SGCZ: variants seen among roughly 807,000 people sequenced by gnomAD.
SGCZ encodes zeta-sarcoglycan.
SGCZ carries 40 observed loss-of-function variants against 41.3 expected under a neutral mutation model. The ratio of observed to expected loss-of-function variants is 0.97; its 90% CI spans 0.75 to 1.26. The LOEUF (loss-of-function observed/expected upper bound fraction) is 1.26. Ranked by LOEUF, SGCZ falls within the 50% of genes most tolerant of loss-of-function variation. The pLI, the probability that SGCZ is intolerant of heterozygous loss-of-function variation, is 0.00. For synonymous variants in SGCZ, 206 were observed against 137.5 expected (o/e 1.50, Z -3.49); for missense variants, 552 against 369.8 (o/e 1.49, Z -4.04).
intron 1 of SGCZ, among the ~76,000 whole-genome samples, chr8:14,743,053 A>G (rs377559779): frequency 6.9e-4 from 105 of 152,230 alleles, no homozygotes; most frequent in African/African-American, 2.5e-3. Context: ...CTCAAATATC[A>G]TAAAAGACTG....
chr8:14,524,599 G>A (rs1006991949), intron 2 of SGCZ, among the ~76,000 whole-genome samples: 1 of 152,064 alleles, frequency 6.6e-6, no homozygotes, highest in Non-Finnish European at 1.5e-5. Flanking sequence ...TTATAACAAT[G>A]ATACCTTTGA....
chr8:15,079,766 G>A (rs535132088), intron 1 of SGCZ, among the ~76,000 whole-genome samples: 15 of 152,222 alleles, frequency 9.9e-5, no homozygotes, highest in African/African-American at 3.6e-4. Context: ...GAGTCCATGT[G>A]CAGGCTGATT....
chr8:14,666,958 C>G (rs1424495738), intron 1 of SGCZ, among the ~76,000 whole-genome samples: 1 of 151,660 alleles, frequency 6.6e-6, no homozygotes, highest in Non-Finnish European at 1.5e-5. Context: ...TATATGCACA[C>G]AAATATATAT....
rs997540251 is a variant in SGCZ at position 14,588,345 on chromosome 8, A to G, written c.40-33419T>C. On this transcript the variant is annotated intron_variant, in intron 1 of 7. Coordinates refer to ENST00000382080, the MANE Select transcript of SGCZ (RefSeq NM_139167.4). Reference sequence around the variant, plus strand: ...GTAATGACCAGCACAATCAATAAGTAAGTTTCTTGAATTAACACCACCAAG... The same window carrying G: ...GTAATGACCAGCACAATCAATAAGTGAGTTTCTTGAATTAACACCACCAAG... Among the ~76,000 whole-genome samples the G allele has an allele frequency of 2.0e-5, 3 of 152,116 alleles. 1 individual carries two copies. Among genetic ancestry groups the G allele is most frequent in the Admixed American group, 6.6e-5 (1 of 15,252 alleles).
intron 2 of SGCZ, among the ~76,000 whole-genome samples, chr8:14,348,417 A>G (rs1342885127): frequency 1.3e-5 from 2 of 152,150 alleles, no homozygotes; most frequent in African/African-American, 4.8e-5. Context: ...GAGTTCAGTT[A>G]CAGGATCAAT....
chr8:14,325,830 G>A (rs1479094427), intron 2 of SGCZ, among the ~76,000 whole-genome samples: 1 of 143,392 alleles, frequency 7.0e-6, no homozygotes, highest in Non-Finnish European at 1.5e-5. Context: ...GAGGACGTGG[G>A]CCCGGCGCGG....
At chr8:14,309,350 G>C in intron 3 of SGCZ, 1 of 1,603,788 alleles carries the variant, frequency 6.2e-7, no homozygotes, top group East Asian at 2.2e-5. Flanking sequence ...CAAATGGGGA[G>C]GACGATGGCT....
chr8:14,429,939 G>A (rs929445839), intron 2 of SGCZ, among the ~76,000 whole-genome samples: 3 of 151,972 alleles, frequency 2.0e-5, no homozygotes, highest in African/African-American at 4.8e-5. Flanking sequence ...TCTAATTTGT[G>A]CACATAAAGG....
chr8:14,926,077 G>C, intron 1 of SGCZ, among the ~76,000 whole-genome samples: 1 of 152,098 alleles, frequency 6.6e-6, no homozygotes, highest in East Asian at 1.9e-4. Context: ...AGATAAATCA[G>C]GATTAATGTA....
At chr8:14,367,859 T>G (rs1054891822) in intron 2 of SGCZ, among the ~76,000 whole-genome samples, 1 of 152,038 alleles carries the variant, frequency 6.6e-6, no homozygotes, top group Non-Finnish European at 1.5e-5. Context: ...TATTATTTTT[T>G]GGGAAAGAAT....
At chr8:14,968,411 AT>A (rs1801187622) in intron 1 of SGCZ, among the ~76,000 whole-genome samples, 1 of 152,192 alleles carries the variant, frequency 6.6e-6, no homozygotes. Flanking sequence ...AGGATTTGCT[AT>A]AAACCAGAGA....
intron 4 of SGCZ, among the ~76,000 whole-genome samples, chr8:14,236,226 C>G (rs1387462328): frequency 6.6e-6 from 1 of 152,140 alleles, no homozygotes; most frequent in East Asian, 1.9e-4. Flanking sequence ...TATCCATACA[C>G]ATATCTCTTT....
intron 1 of SGCZ, among the ~76,000 whole-genome samples, chr8:14,620,675 G>A (rs1344215956): frequency 6.6e-6 from 1 of 152,104 alleles, no homozygotes; most frequent in Non-Finnish European, 1.5e-5. Context: ...GCAGCCAACA[G>A]ACACATGAAA....
At position 15,215,281 on chromosome 8, in the gene SGCZ, G is replaced by T. The variant is rs567149824; in HGVS notation, c.39+22304C>A. Among the ~76,000 whole-genome samples, 127 of 152,264 alleles carry T rather than the reference G, an allele frequency of 8.3e-4. 1 individual carries two copies. The highest frequency in any genetic ancestry group is 1.6e-3 in the Non-Finnish European group (106 of 67,998). On this transcript the variant is annotated intron_variant, in intron 1 of 7. Coordinates refer to ENST00000382080, the MANE Select transcript of SGCZ (RefSeq NM_139167.4). Reference sequence around the variant, plus strand: ...ATGAATATTTCACTTTATTAAAGTAGTTCTAGTAGGGTGCCTCTAAAACGT... The same window carrying T: ...ATGAATATTTCACTTTATTAAAGTATTTCTAGTAGGGTGCCTCTAAAACGT...
intron 1 of SGCZ, among the ~76,000 whole-genome samples, chr8:14,696,466 T>C (rs1808967158): frequency 6.6e-6 from 1 of 152,094 alleles, no homozygotes; most frequent in Non-Finnish European, 1.5e-5. Flanking sequence ...TTCTTACACA[T>C]CCATGGAAAA....
rs151049847 is a variant in SGCZ, at chr8:15,154,134, G to C, written c.39+83451C>G. 5.8e-3 allele frequency among the ~76,000 whole-genome samples: 888 copies of C among 152,318 alleles called. 8 individuals carry two copies. The highest frequency in any genetic ancestry group is 0.021 in the African/African-American group (857 of 41,562). On this transcript the variant is annotated intron_variant, in intron 1 of 7. Coordinates refer to ENST00000382080, the MANE Select transcript of SGCZ (RefSeq NM_139167.4). ...TGTGGCCCGGTTCCTAACAGGCCAT[G>C]AACTGGGGGTTGGGGACTCCTGTTA...
chr8:15,031,273 T>C (rs575149362), intron 1 of SGCZ, among the ~76,000 whole-genome samples: 2 of 152,288 alleles, frequency 1.3e-5, no homozygotes, highest in Admixed American at 1.3e-4. Flanking sequence ...TTCTTAGTTA[T>C]GGGTTGAAGC....
At chr8:15,232,031 A>C (rs973137086) in intron 1 of SGCZ, among the ~76,000 whole-genome samples, 7 of 152,194 alleles carry the variant, frequency 4.6e-5, no homozygotes, top group African/African-American at 1.7e-4. Context: ...TAAATGCACA[A>C]ATCTTTACCT....
chr8:15,110,403 T>C (rs1464959133), intron 1 of SGCZ, among the ~76,000 whole-genome samples: 1 of 152,256 alleles, frequency 6.6e-6, no homozygotes, highest in Non-Finnish European at 1.5e-5. Flanking sequence ...ATAAGATCCA[T>C]GGATAGGCTG....
Sources: gnomAD v4.1 joint callset for allele counts (sites outside exome capture counted in the v4.1 genomes callset) on GRCh38, gnomAD v4.1.1 for gene constraint, MANE v1.5 for transcripts, NCBI Gene and HGNC (gene_info 2026-07-23, HGNC 2026-07-21) for gene names.